The following RIMS1 variants were observed in gnomAD, a reference collection of about 807,000 sequenced individuals.
The protein encoded by RIMS1 is regulating synaptic membrane exocytosis 1.
Under a neutral mutation model 214.1 loss-of-function variants are expected in RIMS1, and 83 were observed. The observed-to-expected ratio is 0.39, with a 90% CI of 0.32 to 0.47. RIMS1 has a LOEUF of 0.47. RIMS1 is among the 20% of genes least tolerant of loss of function. The pLI is 0.99. For synonymous variants in RIMS1, 793 were observed against 786.8 expected, an observed-to-expected ratio of 1.01 and a Z score of -0.13; for missense variants, 2,050 against 2,161.8, an observed-to-expected ratio of 0.95 and a Z score of 1.03.
intron 2 of RIMS1, among the ~76,000 whole-genome samples, chr6:71,972,043 G>C (rs1392256216): frequency 6.6e-6 from 1 of 151,894 alleles, no homozygotes; most frequent in Non-Finnish European, 1.5e-5. Flanking sequence ...ATCACCACAG[G>C]ATACATAGAA....
intron 13 of RIMS1, 88 bp downstream of exon 13, chr6:72,250,548 T>C (rs2072774905): frequency 2.1e-6 from 2 of 955,856 alleles, no homozygotes; most frequent in Admixed American, 2.8e-5. Flanking sequence ...TTTTAAAAAA[T>C]ATAATAGATA....
chr6:71,951,210 C>T (rs1244918935), intron 1 of RIMS1, among the ~76,000 whole-genome samples: 1 of 152,090 alleles, frequency 6.6e-6, no homozygotes, highest in African/African-American at 2.4e-5. Context: ...GGATGGATAA[C>T]ATGGTAAATG....
chr6:72,080,232 C>CCAG (rs1317170438), intron 2 of RIMS1, among the ~76,000 whole-genome samples: 1 of 151,986 alleles, frequency 6.6e-6, no homozygotes, highest in African/African-American at 2.4e-5. Flanking sequence ...CCACTGCACT[C>CCAG]CAGCCTGGGC....
chr6:72,083,573 G>C (rs1290184613), intron 2 of RIMS1, among the ~76,000 whole-genome samples: 1 of 152,098 alleles, frequency 6.6e-6, no homozygotes, highest in Non-Finnish European at 1.5e-5. Flanking sequence ...AGGAAATCCT[G>C]CCAGTCATCA....
At chr6:71,947,404 T>A (rs1788179546) in intron 1 of RIMS1, among the ~76,000 whole-genome samples, 1 of 152,120 alleles carries the variant, frequency 6.6e-6, no homozygotes, top group Admixed American at 6.6e-5. Context: ...TTTGACAACA[T>A]AGTTCAACCT....
chr6:71,953,971 G>T (rs1790421142), intron 1 of RIMS1, among the ~76,000 whole-genome samples: 1 of 152,132 alleles, frequency 6.6e-6, no homozygotes, highest in Non-Finnish European at 1.5e-5. Flanking sequence ...GTTAAACAGG[G>T]TTAGAACATA....
chr6:71,966,830 C>T (rs537121517), intron 1 of RIMS1, among the ~76,000 whole-genome samples: 4 of 136,644 alleles, frequency 2.9e-5, no homozygotes, highest in African/African-American at 1.0e-4. Context: ...CAGATAGGGC[C>T]TTTTAGTCAG....
chr6:72,219,350 T>C (rs965909602), intron 6 of RIMS1, among the ~76,000 whole-genome samples: 1 of 152,158 alleles, frequency 6.6e-6, no homozygotes, highest in Non-Finnish European at 1.5e-5. Flanking sequence ...TATAACCTGC[T>C]TCACGTAGGC....
At chr6:72,175,565 C>T (rs12526460) in intron 4 of RIMS1, among the ~76,000 whole-genome samples, 2,145 of 151,882 alleles carry the variant, frequency 0.014, 23 homozygotes, top group Non-Finnish European at 0.021. Flanking sequence ...CTCAGCTACT[C>T]GGGAGGCTGG....
intron 4 of RIMS1, among the ~76,000 whole-genome samples, chr6:72,102,925 T>A (rs1472809185): frequency 2.0e-5 from 3 of 152,130 alleles, no homozygotes; most frequent in Non-Finnish European, 4.4e-5. Context: ...AAGCATATGA[T>A]CCTAATTTAC....
At chr6:72,204,923 T>G (rs1396546253) in intron 6 of RIMS1, among the ~76,000 whole-genome samples, 1 of 152,180 alleles carries the variant, frequency 6.6e-6, no homozygotes, top group Non-Finnish European at 1.5e-5. Context: ...CTTCTAATTC[T>G]TGGCATATCT....
intron 29 of RIMS1, among the ~76,000 whole-genome samples, chr6:72,355,450 G>T (rs567273979): frequency 1.3e-5 from 2 of 152,092 alleles, no homozygotes; most frequent in African/African-American, 2.4e-5. Context: ...TATATTTGGG[G>T]TTGTAAAGAT....
At chr6:72,282,903 C>A (rs904316652) in intron 23 of RIMS1, among the ~76,000 whole-genome samples, 4 of 151,886 alleles carry the variant, frequency 2.6e-5, no homozygotes, top group African/African-American at 9.7e-5. Context: ...AGCTGAAACC[C>A]TGAATTGAAG....
chr6:72,157,243 T>G (rs2044560710), intron 4 of RIMS1, among the ~76,000 whole-genome samples: 1 of 140,524 alleles, frequency 7.1e-6, no homozygotes, highest in Non-Finnish European at 1.6e-5. Flanking sequence ...ATATAGAGCA[T>G]TTGTAGAACA....
At chr6:72,019,796 CA>C (rs1388043293) in intron 2 of RIMS1, among the ~76,000 whole-genome samples, 4 of 152,064 alleles carry the variant, frequency 2.6e-5, no homozygotes, top group African/African-American at 9.7e-5. Context: ...GGCATTTTAT[CA>C]GTTTAGTTTT....
chr6:71,947,143 T>A (rs371577440), intron 1 of RIMS1, among the ~76,000 whole-genome samples: 1 of 152,028 alleles, frequency 6.6e-6, no homozygotes, highest in Non-Finnish European at 1.5e-5. Context: ...TGGTAACAAG[T>A]GTTGGCAAGG....
At chr6:72,072,610 A>T (rs1380478411) in intron 2 of RIMS1, among the ~76,000 whole-genome samples, 1 of 152,190 alleles carries the variant, frequency 6.6e-6, no homozygotes, top group Non-Finnish European at 1.5e-5. Context: ...TTTGTTATTC[A>T]TTCAACACTT....
intron 4 of RIMS1, among the ~76,000 whole-genome samples, chr6:72,118,083 A>C (rs773680485): frequency 3.3e-4 from 49 of 148,326 alleles, no homozygotes; most frequent in Non-Finnish European, 1.4e-4. Flanking sequence ...TACAAACAAA[A>C]CTGGAGATAT....
At chr6:72,108,674 A>G (rs1454419734) in intron 4 of RIMS1, among the ~76,000 whole-genome samples, 2 of 151,894 alleles carry the variant, frequency 1.3e-5, no homozygotes, top group East Asian at 1.9e-4. Flanking sequence ...CTTTAAAACT[A>G]AAGTTTCAGT....
Sources: gnomAD v4.1 joint callset for allele counts (sites outside exome capture counted in the v4.1 genomes callset) on GRCh38, gnomAD v4.1.1 for gene constraint, MANE v1.5 for transcripts, NCBI Gene and HGNC (gene_info 2026-07-23, HGNC 2026-07-21) for gene names.